The following WDR70 variants were observed in gnomAD, a reference collection of about 807,000 sequenced individuals.
WDR70 encodes WD repeat domain 70.
In WDR70, 53 loss-of-function variants were observed where a neutral mutation model predicts 88.6. The ratio of observed to expected loss-of-function variants is 0.60; its 90% CI spans 0.48 to 0.75. The LOEUF is 0.75. Among genes scored for constraint, WDR70 ranks in the 30% least tolerant of loss-of-function variants. WDR70 has a pLI of 0.00. For missense variants in WDR70, 610 were observed against 823.2 expected (o/e 0.74, Z 3.17); for synonymous variants, 280 against 270.0 (o/e 1.04, Z -0.36).
At chr5:37,487,706 A>G (rs1244085639) in intron 8 of WDR70, among the ~76,000 whole-genome samples, 8 of 148,538 alleles carry the variant, frequency 5.4e-5, no homozygotes, top group South Asian at 2.1e-4. Flanking sequence ...GCTCACTGCA[A>G]TCTCCTCCTC....
At chr5:37,692,710 A>G (rs1468810177) in intron 10 of WDR70, among the ~76,000 whole-genome samples, 2 of 152,184 alleles carry the variant, frequency 1.3e-5, no homozygotes, top group Admixed American at 1.3e-4. Context: ...TTGATGGAAC[A>G]TGTCTCAAAT....
intron 10 of WDR70, among the ~76,000 whole-genome samples, chr5:37,622,910 C>G (rs1307819098): frequency 1.3e-5 from 2 of 151,916 alleles, no homozygotes; most frequent in Admixed American, 6.6e-5. Context: ...AAGAAACATT[C>G]TAACCTGTCA....
intron 8 of WDR70, among the ~76,000 whole-genome samples, chr5:37,499,042 A>G (rs1740314066): frequency 6.6e-6 from 1 of 151,708 alleles, no homozygotes; most frequent in Admixed American, 6.6e-5. Context: ...ATAGGTGTTT[A>G]GTGGGATCCC....
At chr5:37,402,548 A>C in intron 5 of WDR70, among the ~76,000 whole-genome samples, 1 of 152,106 alleles carries the variant, frequency 6.6e-6, no homozygotes, top group Non-Finnish European at 1.5e-5. Context: ...TATATATGAC[A>C]ATTTGATAAA....
chr5:37,752,056 C>G (rs1326256948), intron 17 of WDR70, among the ~76,000 whole-genome samples: 1 of 152,172 alleles, frequency 6.6e-6, no homozygotes, highest in East Asian at 1.9e-4. Context: ...CATATTTACA[C>G]TACTGAAGCC....
intron 10 of WDR70, among the ~76,000 whole-genome samples, chr5:37,661,867 G>A (rs1190255067): frequency 1.3e-5 from 2 of 152,150 alleles, no homozygotes; most frequent in African/African-American, 4.8e-5. Flanking sequence ...AGCAATTTGG[G>A]GAGGTTCAGA....
chr5:37,696,238 G>A (rs773387354), intron 10 of WDR70, among the ~76,000 whole-genome samples: 1 of 152,130 alleles, frequency 6.6e-6, no homozygotes, highest in Non-Finnish European at 1.5e-5. Context: ...CATGAAAGAT[G>A]GAAGCATGAT....
chr5:37,544,486 T>C (rs868329059), intron 9 of WDR70, among the ~76,000 whole-genome samples: 1 of 152,212 alleles, frequency 6.6e-6, no homozygotes, highest in African/African-American at 2.4e-5. Flanking sequence ...CAGTAAATTA[T>C]AAATATTTTA....
chr5:37,752,872 C>A lies in WDR70; in HGVS notation c.*299C>A. ...ATTGGTCTTGTCCAGATTCTCATAA[C>A]CTTAGAGAGGAAAATGTACATTAAG... On this transcript the variant is annotated 3_prime_UTR_variant, in exon 18 of 18. Coordinates refer to ENST00000265107, the MANE Select transcript of WDR70 (RefSeq NM_018034.4). 2 of 228,626 alleles carry A rather than the reference C, an allele frequency of 8.7e-6. No homozygotes were observed. Among genetic ancestry groups the A allele is most frequent in the Non-Finnish European group, 8.4e-6 (1 of 119,624 alleles). The allele number at this position is 228,626 out of a possible 1,614,324, so 14.2% of individuals were successfully genotyped here. A position where few individuals can be genotyped will look rare whatever the true frequency, so the allele number is the denominator to read the frequency against.
intron 8 of WDR70, among the ~76,000 whole-genome samples, chr5:37,483,082 A>G (rs1425863859): frequency 6.7e-6 from 1 of 150,024 alleles, no homozygotes; most frequent in Non-Finnish European, 1.5e-5. Flanking sequence ...AAAAAAAAAA[A>G]GGAAAGAAAG....
At chr5:37,624,902 T>C (rs1297746263) in intron 10 of WDR70, among the ~76,000 whole-genome samples, 1 of 152,220 alleles carries the variant, frequency 6.6e-6, no homozygotes, top group Non-Finnish European at 1.5e-5. Flanking sequence ...GGGACTGTTA[T>C]AACCTACAGA....
intron 5 of WDR70, among the ~76,000 whole-genome samples, chr5:37,398,613 AT>A (rs1356518276): frequency 6.6e-6 from 1 of 152,116 alleles, no homozygotes; most frequent in East Asian, 1.9e-4. Context: ...TCTAATTTCA[AT>A]TTTGTACATT....
chr5:37,644,448 T>C (rs534533845), intron 10 of WDR70, among the ~76,000 whole-genome samples: 1 of 152,166 alleles, frequency 6.6e-6, no homozygotes, highest in Admixed American at 6.5e-5. Flanking sequence ...TTTTCTTCTT[T>C]TCATGTGTCT....
intron 7 of WDR70, among the ~76,000 whole-genome samples, chr5:37,452,649 C>T (rs1439995422): frequency 6.6e-6 from 1 of 152,190 alleles, no homozygotes; most frequent in Non-Finnish European, 1.5e-5. Context: ...CTAAATTCCC[C>T]CACATCTTTT....
intron 9 of WDR70, among the ~76,000 whole-genome samples, chr5:37,582,262 T>C (rs953919443): frequency 2.6e-5 from 4 of 152,196 alleles, no homozygotes; most frequent in Admixed American, 2.6e-4. Context: ...TAGTTAACTA[T>C]AGGGATAGGT....
At chr5:37,461,697 A>T (rs1451829724) in intron 7 of WDR70, among the ~76,000 whole-genome samples, 1 of 151,758 alleles carries the variant, frequency 6.6e-6, no homozygotes, top group Admixed American at 6.6e-5. Context: ...GTTAGCCAGG[A>T]TGGTCTTGAT....
At chr5:37,596,481 T>G (rs1743703906) in intron 9 of WDR70, among the ~76,000 whole-genome samples, 1 of 152,326 alleles carries the variant, frequency 6.6e-6, no homozygotes, top group South Asian at 2.1e-4. Context: ...AGTGTGAAAC[T>G]TTGAAGAAGT....
In WDR70 at chr5:37,446,237, G is replaced by T. The variant is rs776602644; in HGVS notation, c.686+2865G>T. On this transcript the variant is annotated intron_variant, in intron 7 of 17. Transcript: ENST00000265107. ...CCTAGGAATGCAACTTACAAGGGAT[G>T]TGAAGGACCTCTTCAAGGAGAACTA... Among the ~76,000 whole-genome samples, 6 of 152,270 alleles carry T rather than the reference G, an allele frequency of 3.9e-5. No homozygotes were observed. The South Asian group carries it at 6.2e-4, about 16-fold the overall frequency.
intron 10 of WDR70, among the ~76,000 whole-genome samples, chr5:37,676,276 A>C (rs1382806459): frequency 6.6e-6 from 1 of 151,228 alleles, no homozygotes; most frequent in Non-Finnish European, 1.5e-5. Context: ...ACTATGTTGA[A>C]TAGGAGTGGT....
Sources: gnomAD v4.1 joint callset for allele counts (sites outside exome capture counted in the v4.1 genomes callset) on GRCh38, gnomAD v4.1.1 for gene constraint, MANE v1.5 for transcripts, NCBI Gene and HGNC (gene_info 2026-07-23, HGNC 2026-07-21) for gene names.